SLCO5A1: variants seen among roughly 807,000 people sequenced by gnomAD.
SLCO5A1 encodes the protein organic anion transporter polypeptide-related protein 4.
SLCO5A1 carries 39 observed loss-of-function variants against 65.1 expected under a neutral mutation model. The observed-to-expected ratio is 0.60, with a 90% confidence interval of 0.46 to 0.78. SLCO5A1 has a LOEUF of 0.78. Ranked by LOEUF, SLCO5A1 falls within the 30% of genes least tolerant of loss-of-function variation. The pLI, the probability that SLCO5A1 is intolerant of heterozygous loss-of-function variation, is 0.00. For missense variants in SLCO5A1, 1,029 were observed against 1,069.4 expected (o/e 0.96, Z 0.53); for synonymous variants, 438 against 415.7 (o/e 1.05, Z -0.65).
At chr8:69,813,430 C>T (rs1820288227) in intron 2 of SLCO5A1, among the ~76,000 whole-genome samples, 1 of 152,054 alleles carries the variant, frequency 6.6e-6, no homozygotes, top group South Asian at 2.1e-4. Flanking sequence ...GCAGGGGTAA[C>T]CTGCCCCTGT....
chr8:69,725,352 A>C (rs1021268603), intron 5 of SLCO5A1, among the ~76,000 whole-genome samples: 2 of 152,178 alleles, frequency 1.3e-5, no homozygotes, highest in African/African-American at 4.8e-5. Context: ...AAAGGCAGAA[A>C]TTTAAACATC....
intron 2 of SLCO5A1, among the ~76,000 whole-genome samples, chr8:69,827,557 T>G (rs2041598499): frequency 6.6e-6 from 1 of 152,254 alleles, no homozygotes; most frequent in African/African-American, 2.4e-5. Flanking sequence ...GGTTTTTACG[T>G]TGCTGCAGAT....
At chr8:69,763,439 A>G (rs1817895979) in intron 2 of SLCO5A1, among the ~76,000 whole-genome samples, 1 of 151,750 alleles carries the variant, frequency 6.6e-6, no homozygotes, top group African/African-American at 2.4e-5. Flanking sequence ...ACATGGTGAA[A>G]CCCCATTTCT....
rs199597398 is a variant in SLCO5A1 at position 69,832,582 on chromosome 8, T to C, written c.92A>G (p.Glu31Gly). 24 of 1,612,918 alleles carry C rather than the reference T, an allele frequency of 1.5e-5. No homozygotes were observed. In the African/African-American group the frequency reaches 2.1e-4, roughly 14 times the overall value. The change falls in exon 2 of 10, where the codon GAG (glutamate) becomes GGG (glycine). Residue 31 changes from glutamate (E) to glycine (G), a missense_variant. Coordinates refer to ENST00000260126, the MANE Select transcript of SLCO5A1 (RefSeq NM_030958.3). This position sits in a 1 kb window ranked among gnomAD's most constrained non-coding sequence, Gnocchi z 4.5. ...AEAVQERCEP[E>G]TLRSKSLPVL... ...CGGTAAACTCTTAGACCTGAGGGTC[T>C]CCGGCTCGCACCTCTCTTGGACAGC...
intron 2 of SLCO5A1, among the ~76,000 whole-genome samples, chr8:69,767,853 G>A (rs1211485686): frequency 7.6e-6 from 1 of 130,934 alleles, no homozygotes; most frequent in Non-Finnish European, 1.5e-5. Context: ...TTGTGCCATT[G>A]CAGTCCAGCC....
At chr8:69,673,393 A>C (rs1279654000) in intron 9 of SLCO5A1, 67 bp from the exon 10 acceptor site, 2 of 1,389,414 alleles carry the variant, frequency 1.4e-6, no homozygotes, top group Non-Finnish European at 2.0e-6. Context: ...CAGGTTTGTA[A>C]ATTAGCAAGG....
chr8:69,771,292 C>T (rs966166821), intron 2 of SLCO5A1, among the ~76,000 whole-genome samples: 3 of 152,174 alleles, frequency 2.0e-5, no homozygotes, highest in African/African-American at 7.2e-5. Flanking sequence ...CCTGATCTTA[C>T]ATCATTTTAA....
At chr8:69,783,119 A>G (rs1334440431) in intron 2 of SLCO5A1, among the ~76,000 whole-genome samples, 1 of 152,198 alleles carries the variant, frequency 6.6e-6, no homozygotes, top group African/African-American at 2.4e-5. Context: ...AACAATGATC[A>G]TTATTGTTAC....
intron 4 of SLCO5A1, among the ~76,000 whole-genome samples, chr8:69,741,865 G>C (rs1254966474): frequency 2.0e-5 from 3 of 152,186 alleles, no homozygotes; most frequent in Non-Finnish European, 2.9e-5. Flanking sequence ...AAAAGGATGA[G>C]TAACTGATTT....
intron 3 of SLCO5A1, among the ~76,000 whole-genome samples, chr8:69,759,202 G>T (rs898969645): frequency 2.6e-5 from 4 of 152,176 alleles, no homozygotes; most frequent in Non-Finnish European, 5.9e-5. Context: ...GCTAGACATC[G>T]TATAAAATAA....
intron 7 of SLCO5A1, 47 bp downstream of exon 7, chr8:69,682,137 C>T (rs1370868145): frequency 1.3e-6 from 2 of 1,556,312 alleles, no homozygotes; most frequent in Admixed American, 3.9e-5. Context: ...ACATCCTTGT[C>T]ACAGGATGTT....
At chr8:69,742,800 T>TTC (rs1445917484) in intron 4 of SLCO5A1, among the ~76,000 whole-genome samples, 1 of 130,788 alleles carries the variant, frequency 7.6e-6, no homozygotes. Context: ...GATTCTTTTT[T>TTC]TTTTTTTTTT....
At chr8:69,750,088 G>T (rs531737648) in intron 4 of SLCO5A1, among the ~76,000 whole-genome samples, 2 of 152,264 alleles carry the variant, frequency 1.3e-5, no homozygotes, top group East Asian at 3.9e-4. Flanking sequence ...TAAACAAGTG[G>T]GACTGAAAGG....
chr8:69,822,470 C>T (rs967312680), intron 2 of SLCO5A1, among the ~76,000 whole-genome samples: 2 of 152,174 alleles, frequency 1.3e-5, no homozygotes, highest in African/African-American at 4.8e-5. Flanking sequence ...TCAAAATGTT[C>T]CTGTTCAATG....
In SLCO5A1 at chr8:69,735,832, A is replaced by C. The variant is rs144513684; in HGVS notation, c.1423+2208T>G. Among the ~76,000 whole-genome samples, 54 of 152,340 alleles carry C rather than the reference A, an allele frequency of 3.5e-4. 4 individuals are homozygous for C. The highest frequency in any genetic ancestry group is 1.2e-3 in the African/African-American group (48 of 41,574). On this transcript the variant is annotated intron_variant, in intron 5 of 9. Coordinates refer to ENST00000260126, the MANE Select transcript of SLCO5A1 (RefSeq NM_030958.3). The stretch of plus-strand genomic sequence containing the variant: ...TGTATCCCAGAACTTAAAATTTTTT[A>C]AAAAAGAAAAGAAAAACCAAGAGTA...
intron 6 of SLCO5A1, among the ~76,000 whole-genome samples, chr8:69,702,333 T>C (rs1814777500): frequency 6.6e-6 from 1 of 152,186 alleles, no homozygotes; most frequent in Admixed American, 6.5e-5. Flanking sequence ...CAGAAGTAGA[T>C]ATTGAGGTTT....
At chr8:69,821,769 G>T (rs1378839693) in intron 2 of SLCO5A1, among the ~76,000 whole-genome samples, 1 of 147,824 alleles carries the variant, frequency 6.8e-6, no homozygotes, top group African/African-American at 2.5e-5. Flanking sequence ...TTACACCACT[G>T]CACTCCAGCC....
intron 2 of SLCO5A1, among the ~76,000 whole-genome samples, chr8:69,819,952 G>A (rs1345009416): frequency 6.6e-6 from 1 of 152,142 alleles, no homozygotes; most frequent in Non-Finnish European, 1.5e-5. Context: ...GGCAGAGCAA[G>A]ACTCCATCTC....
rs952053637 is a variant in SLCO5A1 at position 69,681,141 on chromosome 8, G to A, written c.1782+1043C>T. 3.9e-5 allele frequency among the ~76,000 whole-genome samples: 6 copies of A among 152,138 alleles called. No individual in the cohort carries two copies. The South Asian group carries it at 8.3e-4, about 21-fold the overall frequency. ...CAGGAATTCTCAATTTATCATTGCA[G>A]TTTAAAACTCAGACATCAAAAACAA... On this transcript the variant is annotated intron_variant, in intron 7 of 9. Coordinates refer to ENST00000260126, the MANE Select transcript of SLCO5A1 (RefSeq NM_030958.3).
Sources: allele counts gnomAD v4.1 joint callset (sites outside exome capture counted in the v4.1 genomes callset), GRCh38; gene constraint gnomAD v4.1.1; non-coding constraint Gnocchi (gnomAD v3.1); transcripts MANE v1.5; gene names NCBI Gene and HGNC (gene_info 2026-07-23, HGNC 2026-07-21).